The following GABPB1 variants were observed in gnomAD, a reference collection of about 807,000 sequenced individuals.
The protein encoded by GABPB1 is GA binding protein transcription factor subunit beta 1.
GABPB1 carries 15 observed loss-of-function variants against 45.9 expected under a neutral mutation model. That is an observed-to-expected ratio of 0.33 (90% CI 0.22 to 0.50). The LOEUF (loss-of-function observed/expected upper bound fraction) is 0.50, where lower values mean the gene tolerates loss of function less well. Among genes scored for constraint, GABPB1 ranks in the 20% least tolerant of loss-of-function variants. The pLI, the probability that GABPB1 is intolerant of heterozygous loss-of-function variation, is 0.98. For synonymous variants in GABPB1, 143 were observed against 154.4 expected (o/e 0.93, Z 0.55); for missense variants, 252 against 457.5 (o/e 0.55, Z 4.10).
intron 1 of GABPB1, among the ~76,000 whole-genome samples, chr15:50,330,451 G>T (rs900855761): frequency 1.3e-5 from 2 of 151,950 alleles, no homozygotes; most frequent in African/African-American, 4.8e-5. Flanking sequence ...TCTATCAACT[G>T]CCTCACACAT....
At chr15:50,312,553 C>A (rs1456069520) in intron 1 of GABPB1, among the ~76,000 whole-genome samples, 1 of 152,058 alleles carries the variant, frequency 6.6e-6, no homozygotes, top group Non-Finnish European at 1.5e-5. Context: ...AAGAAACCTG[C>A]AAAAATAATT....
intron 7 of GABPB1, among the ~76,000 whole-genome samples, chr15:50,287,708 A>T (rs1258092903): frequency 1.3e-5 from 2 of 152,222 alleles, no homozygotes; most frequent in African/African-American, 2.4e-5. Flanking sequence ...AAACAATGTT[A>T]TGTCTGCTTG....
At chr15:50,295,447 CT>C (rs974055101) in intron 6 of GABPB1, among the ~76,000 whole-genome samples, 12 of 152,088 alleles carry the variant, frequency 7.9e-5, no homozygotes, top group African/African-American at 2.9e-4. Context: ...CTACTAACGC[CT>C]ACTTTAATTT....
At chr15:50,289,773 T>TTTTTTA (rs1336255871) in intron 6 of GABPB1, 105 bp from the exon 7 acceptor site, 1 of 786,290 alleles carries the variant, frequency 1.3e-6, no homozygotes, top group Non-Finnish European at 1.9e-6. Context: ...CTTTCTTTTC[T>TTTTTTA]TTTTTCTTTT....
At chr15:50,337,633 G>A (rs1029595163) in intron 1 of GABPB1, among the ~76,000 whole-genome samples, 2 of 151,928 alleles carry the variant, frequency 1.3e-5, no homozygotes, top group African/African-American at 2.4e-5. Flanking sequence ...AGGTGTGGTG[G>A]TGCGATCATG....
chr15:50,337,114 TATATATATATATATA>T (rs1171053491), intron 1 of GABPB1, among the ~76,000 whole-genome samples: 331 of 7,226 alleles, frequency 0.046, 18 homozygotes, highest in South Asian at 0.11. Context: ...TATATATATA[TATATATATATATATA>T]ATATGAAGAG....
chr15:50,295,571 C>T (rs950948808), intron 6 of GABPB1, among the ~76,000 whole-genome samples: 22 of 151,320 alleles, frequency 1.5e-4, no homozygotes, highest in African/African-American at 5.4e-4. Context: ...AAATAATGTA[C>T]TACATGGTGG....
chr15:50,315,544 C>A (rs999134025), intron 1 of GABPB1, among the ~76,000 whole-genome samples: 7 of 152,152 alleles, frequency 4.6e-5, no homozygotes, highest in Non-Finnish European at 8.8e-5. Flanking sequence ...CACATGAGAT[C>A]AAGCAAGACA....
At chr15:50,313,770 C>T (rs1442597017) in intron 1 of GABPB1, among the ~76,000 whole-genome samples, 1 of 151,922 alleles carries the variant, frequency 6.6e-6, no homozygotes, top group Admixed American at 6.6e-5. Context: ...AAAATATTAA[C>T]AATTGTTTAG....
chr15:50,285,980 T>C (rs369855881), intron 8 of GABPB1, 88 bp downstream of exon 8: 7 of 1,549,914 alleles, frequency 4.5e-6, no homozygotes, highest in African/African-American at 1.4e-5. Flanking sequence ...ATCAAAACAA[T>C]ACTGTCAGTA....
chr15:50,349,040 A>G (rs756073111), intron 1 of GABPB1: 40 of 152,166 alleles, frequency 2.6e-4, no homozygotes, highest in Non-Finnish European at 5.3e-4. Flanking sequence ...CTCAAAATTA[A>G]TATTTTATAG....
chr15:50,304,989 G>A (rs2046891637), intron 2 of GABPB1, among the ~76,000 whole-genome samples: 1 of 152,166 alleles, frequency 6.6e-6, no homozygotes, highest in South Asian at 2.1e-4. Flanking sequence ...GTTGAATCAG[G>A]ACAAAACCAA....
At chr15:50,343,938 C>T (rs1178648846) in intron 1 of GABPB1, among the ~76,000 whole-genome samples, 1 of 152,108 alleles carries the variant, frequency 6.6e-6, no homozygotes, top group East Asian at 1.9e-4. Context: ...CTTTTATTAC[C>T]TACTTTTATT....
Position 50,276,901 on chromosome 15 carries a change from C to G in GABPB1, c.*1731G>C, listed in dbSNP as rs1011959269. ...CACTTCATGCTATTGAAAATATGGC[C>G]TGGCATTTTTAAAAACTAGTTTTTG... On this transcript the variant is annotated 3_prime_UTR_variant, in exon 9 of 9. Coordinates refer to ENST00000380877, the MANE Select transcript of GABPB1 (RefSeq NM_016654.5). The G allele has an allele frequency of 6.6e-6, 1 of 152,198 alleles. No individual in the cohort carries two copies. Among genetic ancestry groups the G allele is most frequent in the African/African-American group, 2.4e-5 (1 of 41,446 alleles). The allele number at this position is 152,198 out of a possible 1,614,324, so 9.4% of individuals were successfully genotyped here.
chr15:50,311,929 GA>G (rs2047142377), intron 1 of GABPB1, among the ~76,000 whole-genome samples: 1 of 152,282 alleles, frequency 6.6e-6, no homozygotes, highest in Admixed American at 6.5e-5. Context: ...GGTAACCAGG[GA>G]CAGATACTAA....
chr15:50,337,102 T>TGA (rs2048169085), intron 1 of GABPB1, among the ~76,000 whole-genome samples: 1 of 7,240 alleles, frequency 1.4e-4, no homozygotes, highest in African/African-American at 6.7e-4. Context: ...TATATATATA[T>TGA]ATATATATAT....
chr15:50,342,722 G>A (rs775790550), intron 1 of GABPB1, among the ~76,000 whole-genome samples: 4 of 152,148 alleles, frequency 2.6e-5, no homozygotes, highest in Non-Finnish European at 5.9e-5. Context: ...TATCACACAT[G>A]CACATAGTAA....
rs193170660 is a variant in GABPB1, at chr15:50,280,260, G to A, written c.1000-1476C>T. ...CTCCCCTCCTCTTATCCTAAATCCA[G>A]CCAAGATAGGAACAAGTCAGAAAAG... is the stretch of plus-strand genomic sequence containing the variant. On this transcript the variant is annotated intron_variant, in intron 8 of 8. Coordinates refer to ENST00000380877, the MANE Select transcript of GABPB1 (RefSeq NM_016654.5). Among the ~76,000 whole-genome samples, 139 of 152,232 alleles carry A rather than the reference G, an allele frequency of 9.1e-4. 1 individual carries two copies. The Middle Eastern group carries it at 0.031, about 34-fold the overall frequency.
At chr15:50,312,837 C>T (rs2047178220) in intron 1 of GABPB1, among the ~76,000 whole-genome samples, 1 of 151,982 alleles carries the variant, frequency 6.6e-6, no homozygotes. Flanking sequence ...AGGGCTTTTC[C>T]CCACCTTTTG....
Sources: gnomAD v4.1 joint callset for allele counts (sites outside exome capture counted in the v4.1 genomes callset) on GRCh38, gnomAD v4.1.1 for gene constraint, MANE v1.5 for transcripts, NCBI Gene and HGNC (gene_info 2026-07-23, HGNC 2026-07-21) for gene names.